PTK2: variants seen among roughly 807,000 people sequenced by gnomAD.
PTK2 encodes the protein protein tyrosine kinase 2.
A neutral mutation model predicts 150.1 loss-of-function variants in PTK2; 45 were observed. That is an observed-to-expected ratio of 0.30 (90% confidence interval 0.24 to 0.38). The LOEUF (loss-of-function observed/expected upper bound fraction) is 0.38. Among genes scored for constraint, PTK2 ranks in the 10% least tolerant of loss-of-function variants. PTK2 has a pLI of 1.00. For missense variants in PTK2, 919 were observed against 1,307.3 expected, an observed-to-expected ratio of 0.70 and a Z score of 4.58; for synonymous variants, 432 against 449.2, an observed-to-expected ratio of 0.96 and a Z score of 0.48.
intron 26 of PTK2, 81 bp from the exon 30 acceptor site, chr8:140,686,775 T>C (rs1481258752): frequency 9.3e-6 from 11 of 1,186,530 alleles, no homozygotes; most frequent in Non-Finnish European, 1.3e-5. Flanking sequence ...AATTCCTTCC[T>C]TTTTAACACA....
intron 2 of PTK2, among the ~76,000 whole-genome samples, chr8:140,908,248 C>T (rs1286069575): frequency 2.0e-5 from 3 of 152,178 alleles, no homozygotes; most frequent in Non-Finnish European, 2.9e-5. Context: ...AGAGCAAGCT[C>T]ATCTTCAGTT....
At chr8:140,711,200 G>C (rs2100036664) in intron 23 of PTK2, among the ~76,000 whole-genome samples, 2 of 152,214 alleles carry the variant, frequency 1.3e-5, no homozygotes, top group Admixed American at 1.3e-4. Context: ...TCTGCCTCCT[G>C]AGTTTAAGCG....
chr8:140,814,776 C>CTTTT (rs1167413529), intron 10 of PTK2, among the ~76,000 whole-genome samples: 1 of 141,890 alleles, frequency 7.0e-6, no homozygotes, highest in African/African-American at 2.6e-5. Flanking sequence ...ATAAATTGTT[C>CTTTT]TTTTTTTTTT....
At chr8:140,687,107 A>ACCACCG in intron 26 of PTK2, 1 of 182,480 alleles carries the variant, frequency 5.5e-6, no homozygotes, top group Non-Finnish European at 1.1e-5. Flanking sequence ...GTTCAATTAC[A>ACCACCG]AGACTGTTTT....
intron 10 of PTK2, among the ~76,000 whole-genome samples, chr8:140,805,974 C>A (rs1333652548): frequency 6.6e-6 from 1 of 152,182 alleles, no homozygotes; most frequent in East Asian, 1.9e-4. Context: ...CTGTCATGAT[C>A]TTGTCTTGAT....
chr8:140,813,041 A>T (rs538461719), intron 10 of PTK2, among the ~76,000 whole-genome samples: 1 of 152,308 alleles, frequency 6.6e-6, no homozygotes, highest in South Asian at 2.1e-4. Context: ...CCTGACAGAC[A>T]TCTATAGAAC....
At chr8:140,768,033 T>C (rs1185030144) in intron 14 of PTK2, among the ~76,000 whole-genome samples, 1 of 152,132 alleles carries the variant, frequency 6.6e-6, no homozygotes, top group Non-Finnish European at 1.5e-5. Context: ...TTCAAAGGCC[T>C]GGGCACAAAT....
intron 1 of PTK2, among the ~76,000 whole-genome samples, chr8:140,973,904 T>C: frequency 6.6e-6 from 1 of 152,314 alleles, no homozygotes; most frequent in East Asian, 1.9e-4. Flanking sequence ...TCATTTCTTA[T>C]ATCTTTGCCC....
At chr8:140,860,451 C>G (rs764745911) in intron 5 of PTK2, among the ~76,000 whole-genome samples, 64 of 152,104 alleles carry the variant, frequency 4.2e-4, no homozygotes, top group Non-Finnish European at 7.2e-4. Flanking sequence ...GTATACTGGC[C>G]AATTCATGCA....
At chr8:140,965,186 G>C (rs2100184809) in intron 1 of PTK2, among the ~76,000 whole-genome samples, 3 of 152,132 alleles carry the variant, frequency 2.0e-5, no homozygotes, top group Admixed American at 1.3e-4. Flanking sequence ...TAACTCTCTA[G>C]TCTAAAGTCT....
intron 2 of PTK2, among the ~76,000 whole-genome samples, chr8:140,898,664 GA>G (rs1240251594): frequency 6.6e-6 from 1 of 152,030 alleles, no homozygotes; most frequent in East Asian, 1.9e-4. Context: ...ACAAAAAAGG[GA>G]AAAAAATGCA....
chr8:140,828,372 C>T (rs1451234469), intron 8 of PTK2, among the ~76,000 whole-genome samples: 1 of 152,156 alleles, frequency 6.6e-6, no homozygotes, highest in Non-Finnish European at 1.5e-5. Context: ...CTGTCTCACT[C>T]TGGCTACACT....
In PTK2 at chr8:140,669,743, C is replaced by T. The variant is rs763776146; in HGVS notation, c.2710-1319G>A. On this transcript the variant is annotated intron_variant, in intron 29 of 31. Coordinates refer to ENST00000522684, the Ensembl canonical transcript of PTK2. The stretch of plus-strand genomic sequence containing the variant: ...TGTGCTTACCCTCCATGGCTATTGT[C>T]GAACGGAAGGTGAGGAAAAGTTAAA... 2.2e-5 allele frequency: 33 copies of T among 1,532,862 alleles called. No individual in the cohort carries two copies. The highest frequency in any genetic ancestry group is 2.8e-5 in the African/African-American group (2 of 72,706). 95.0% of individuals were successfully genotyped at this position (1,532,862 alleles called of 1,614,324 possible).
intron 31 of PTK2, among the ~76,000 whole-genome samples, chr8:140,660,026 AT>A (rs934753265): frequency 3.3e-5 from 5 of 151,616 alleles, no homozygotes; most frequent in South Asian, 2.1e-4. Flanking sequence ...GCATTTAAAC[AT>A]TTTTTTTACT....
At chr8:140,673,200 T>G (rs567397961) in intron 29 of PTK2, among the ~76,000 whole-genome samples, 2 of 152,020 alleles carry the variant, frequency 1.3e-5, no homozygotes, top group African/African-American at 4.8e-5. Flanking sequence ...CTCCACCTCC[T>G]GGGTTCAAGT....
intron 23 of PTK2, among the ~76,000 whole-genome samples, chr8:140,712,647 T>C (rs2100037459): frequency 6.6e-6 from 1 of 152,024 alleles, no homozygotes; most frequent in South Asian, 2.1e-4. Flanking sequence ...GTGTAGGTCA[T>C]TTGGAAGATA....
intron 14 of PTK2, among the ~76,000 whole-genome samples, chr8:140,780,051 T>C (rs1473795499): frequency 2.6e-5 from 4 of 152,132 alleles, no homozygotes; most frequent in Admixed American, 2.6e-4. Flanking sequence ...AAGGTATAAT[T>C]TACTATTTTA....
intron 1 of PTK2, among the ~76,000 whole-genome samples, chr8:140,985,849 T>C (rs943043279): frequency 6.6e-6 from 1 of 151,912 alleles, no homozygotes; most frequent in Non-Finnish European, 1.5e-5. Context: ...AATAGTTATC[T>C]ACTCAGTGTG....
At chr8:140,933,231 G>A (rs917777128) in intron 1 of PTK2, among the ~76,000 whole-genome samples, 6 of 147,984 alleles carry the variant, frequency 4.1e-5, no homozygotes, top group African/African-American at 1.5e-4. Context: ...ATCCAAGACA[G>A]ATGCAACAGC....
Sources: gnomAD v4.1 joint callset for allele counts (sites outside exome capture counted in the v4.1 genomes callset) on GRCh38, gnomAD v4.1.1 for gene constraint, MANE v1.5 for transcripts, NCBI Gene and HGNC (gene_info 2026-07-23, HGNC 2026-07-21) for gene names.